Variants in PNPLA4 observed in about 807,000 individuals in gnomAD.
PNPLA4 encodes the protein patatin like domain 4, phospholipase and triacylglycerol lipase.
A neutral mutation model predicts 18.3 loss-of-function variants in PNPLA4; 15 were observed. That is an observed-to-expected ratio of 0.82 (90% CI 0.55 to 1.26). The LOEUF (loss-of-function observed/expected upper bound fraction) is 1.26, where lower values mean the gene tolerates loss of function less well. Among genes scored for constraint, PNPLA4 ranks in the 50% most tolerant of loss-of-function variants. The pLI, the probability that PNPLA4 is intolerant of heterozygous loss-of-function variation, is 0.00. For synonymous variants in PNPLA4, 88 were observed against 85.6 expected, an observed-to-expected ratio of 1.03 and a Z score of -0.16; for missense variants, 229 against 196.8, an observed-to-expected ratio of 1.16 and a Z score of -0.98.
intron 5 of PNPLA4, among the ~76,000 whole-genome samples, chrX:7,907,007 C>T (rs1317278974): frequency 1.8e-5 from 2 of 111,515 alleles, no homozygotes; most frequent in African/African-American, 6.5e-5. Context: ...AATGCAAAAT[C>T]CTACAGCTTT....
intron 4 of PNPLA4, among the ~76,000 whole-genome samples, chrX:7,917,765 C>T (rs749529172): frequency 3.0e-4 from 33 of 111,049 alleles, no homozygotes; most frequent in Non-Finnish European, 4.3e-4. Flanking sequence ...ACATGATCAC[C>T]GGGACACTCA....
rs1244915100 is a variant in PNPLA4, at chrX:7,900,782, G to A, written c.666C>T (p.Ala222=). Residue 222 remains alanine (A), a synonymous_variant, in exon 7 of 7, where the codon GCC becomes GCT. Coordinates refer to ENST00000381042, the MANE Select transcript of PNPLA4 (RefSeq NM_004650.3). ...TTTTCCTCTTGCTTGGGGGAAAAAGGGCTTGGTTGAGTCTCACCAGGTTTG... is the reference window on the plus strand; with the variant it reads ...TTTTCCTCTTGCTTGGGGGAAAAAGAGCTTGGTTGAGTCTCACCAGGTTTG... ...SLANLVRLNQ[A]LFPPSKRKME... 4.2e-6 allele frequency: 5 copies of A among 1,204,681 alleles called. No homozygotes were observed. Among genetic ancestry groups the A allele is most frequent in the Non-Finnish European group, 5.6e-6 (5 of 890,682 alleles).
chrX:7,914,171 A>G (rs944521368), intron 4 of PNPLA4, among the ~76,000 whole-genome samples: 4 of 112,314 alleles, frequency 3.6e-5, no homozygotes, highest in Non-Finnish European at 5.6e-5. Context: ...CAAAATGTCA[A>G]TGTGGACATG....
chrX:7,920,857 A>G (rs1412499050), intron 4 of PNPLA4, among the ~76,000 whole-genome samples: 2 of 112,901 alleles, frequency 1.8e-5, no homozygotes, highest in Non-Finnish European at 3.7e-5. Context: ...AAAATGGAAC[A>G]TTAGATTGAA....
chrX:7,925,320 AC>A (rs1223791794), intron 2 of PNPLA4, among the ~76,000 whole-genome samples: 1 of 112,424 alleles, frequency 8.9e-6, no homozygotes, highest in Non-Finnish European at 1.9e-5. Flanking sequence ...TTCTCCAACT[AC>A]GGAATCCAGC....
intron 2 of PNPLA4, among the ~76,000 whole-genome samples, chrX:7,925,288 G>A (rs747727003): frequency 3.6e-4 from 40 of 112,375 alleles, no homozygotes; most frequent in Non-Finnish European, 6.0e-4. Context: ...GCTAGAGTAC[G>A]TAATGATTAA....
At chrX:7,911,803 A>G (rs1345963880) in intron 5 of PNPLA4, among the ~76,000 whole-genome samples, 2 of 111,410 alleles carry the variant, frequency 1.8e-5, no homozygotes, top group Non-Finnish European at 3.8e-5. Context: ...TATATATATG[A>G]TGAAAATAAG....
chrX:7,914,061 C>T (rs1462714230), intron 4 of PNPLA4, among the ~76,000 whole-genome samples: 1 of 111,920 alleles, frequency 8.9e-6, no homozygotes, highest in Non-Finnish European at 1.9e-5. Flanking sequence ...GCACTGTTTC[C>T]CAAAGGAAAG....
intron 4 of PNPLA4, among the ~76,000 whole-genome samples, chrX:7,919,493 T>C (rs1327096942): frequency 8.9e-6 from 1 of 112,457 alleles, no homozygotes; most frequent in Non-Finnish European, 1.9e-5. Flanking sequence ...TTCCCTGGCA[T>C]GTGGTTGCTA....
intron 5 of PNPLA4, among the ~76,000 whole-genome samples, chrX:7,905,426 G>A (rs765290250): frequency 8.9e-6 from 1 of 111,819 alleles, no homozygotes; most frequent in Non-Finnish European, 1.9e-5. Context: ...TACTGAAAGG[G>A]CCAGTTTATT....
intron 4 of PNPLA4, 106 bp downstream of exon 4, chrX:7,921,607 G>A (rs1309593929): frequency 2.9e-5 from 21 of 716,004 alleles, no homozygotes; most frequent in Non-Finnish European, 4.3e-5. Flanking sequence ...ATCGGGCCTG[G>A]TAAGAGACAC....
Position 7,899,492 on chromosome X carries a change from T to G in PNPLA4, c.*1194A>C, listed in dbSNP as rs1923445417. On this transcript the variant is annotated 3_prime_UTR_variant, in exon 7 of 7. Transcript: ENST00000381042. Reference sequence around the variant, plus strand: ...ACGTGATTTAAAAATGAGAAGTGAATGATTATTCTGGATTTAATTCTTATT... The same window carrying G: ...ACGTGATTTAAAAATGAGAAGTGAAGGATTATTCTGGATTTAATTCTTATT... The G allele has an allele frequency of 9.1e-6, 1 of 110,415 alleles. No homozygotes were observed. The highest frequency in any genetic ancestry group is 1.9e-5 in the Non-Finnish European group (1 of 52,869). The allele number at this position is 110,415 out of a possible 1,213,427, so 9.1% of individuals were successfully genotyped here.
intron 4 of PNPLA4, among the ~76,000 whole-genome samples, chrX:7,915,819 A>G (rs770005201): frequency 8.9e-6 from 1 of 112,381 alleles, no homozygotes; most frequent in Non-Finnish European, 1.9e-5. Flanking sequence ...TTCAAATTCA[A>G]AGACAGATTC....
chrX:7,917,406 G>A (rs918305878), intron 4 of PNPLA4, among the ~76,000 whole-genome samples: 3 of 111,892 alleles, frequency 2.7e-5, no homozygotes, highest in Non-Finnish European at 5.6e-5. Context: ...TAAGCAAGGG[G>A]TTAAAGAATA....
At chrX:7,923,564 A>G (rs1330901106) in intron 2 of PNPLA4, among the ~76,000 whole-genome samples, 1 of 112,173 alleles carries the variant, frequency 8.9e-6, no homozygotes, top group Non-Finnish European at 1.9e-5. Flanking sequence ...GCAACGGGAA[A>G]TGAATACAGT....
At chrX:7,920,227 C>T (rs1269277258) in intron 4 of PNPLA4, among the ~76,000 whole-genome samples, 1 of 97,293 alleles carries the variant, frequency 1.0e-5, no homozygotes. Context: ...CAGAATCCCC[C>T]TCATTTTATG....
chrX:7,907,011 C>T (rs984811351), intron 5 of PNPLA4, among the ~76,000 whole-genome samples: 5 of 111,309 alleles, frequency 4.5e-5, no homozygotes, highest in African/African-American at 1.6e-4. Context: ...CAAAATCCTA[C>T]AGCTTTTCTT....
At chrX:7,915,084 T>C (rs1440300415) in intron 4 of PNPLA4, among the ~76,000 whole-genome samples, 3 of 111,305 alleles carry the variant, frequency 2.7e-5, no homozygotes, top group Non-Finnish European at 5.6e-5. Context: ...TGCAGGCAAA[T>C]AGAATTTCCT....
chrX:7,902,096 C>A lies in PNPLA4; in HGVS notation c.523G>T (p.Val175Phe), dbSNP rs185938499. The change falls in exon 6 of 7, where the codon GTC becomes TTC. Residue 175 changes from valine (V) to phenylalanine (F), a missense_variant. By Grantham distance (50) the Val-to-Phe change is conservative (BLOSUM62 -1). Coordinates refer to ENST00000381042, the MANE Select transcript of PNPLA4 (RefSeq NM_004650.3). ...GLTNALPILPVGRTVTISPFS... is the reference protein window; with the variant it reads ...GLTNALPILPFGRTVTISPFS... ...GGGGAGATGGTTACTGTCCGGCCGA[C>A]GGGCAGGATGGGAAGAGCGTTGGTG... is the stretch of plus-strand genomic sequence containing the variant. 1.1e-5 allele frequency: 13 copies of A among 1,206,457 alleles called. No individual in the cohort carries two copies. Among genetic ancestry groups the A allele is most frequent in the Non-Finnish European group, 1.2e-5 (11 of 893,476 alleles).
Sources: allele counts gnomAD v4.1 joint callset (sites outside exome capture counted in the v4.1 genomes callset), GRCh38; gene constraint gnomAD v4.1.1; transcripts MANE v1.5; gene names NCBI Gene and HGNC (gene_info 2026-07-23, HGNC 2026-07-21).